TOX2: variants seen among roughly 807,000 people sequenced by gnomAD.
The protein encoded by TOX2 is granulosa cell HMG box 1.
TOX2 carries 15 observed loss-of-function variants against 47.4 expected under a neutral mutation model. The ratio of observed to expected loss-of-function variants is 0.32; its 90% CI spans 0.21 to 0.49. TOX2 has a LOEUF of 0.49. TOX2 is among the 20% of genes least tolerant of loss of function. The probability of loss-of-function intolerance (pLI) is 0.99; values close to 1 mark genes in which losing one functional copy is unlikely to be tolerated. For synonymous variants in TOX2, 290 were observed against 296.6 expected (o/e 0.98, Z 0.23); for missense variants, 622 against 673.1 (o/e 0.92, Z 0.84).
At chr20:43,947,885 G>A (rs535984330) in intron 1 of TOX2, among the ~76,000 whole-genome samples, 7 of 152,290 alleles carry the variant, frequency 4.6e-5, no homozygotes, top group African/African-American at 1.7e-4. Flanking sequence ...AAGGAAAGGA[G>A]TCTTGGAAGG....
intron 1 of TOX2, among the ~76,000 whole-genome samples, chr20:43,917,265 G>C (rs939936475): frequency 6.7e-6 from 1 of 149,208 alleles, no homozygotes; most frequent in Non-Finnish European, 1.5e-5. Context: ...GTGGTGGTTG[G>C]GGGGTAGGGC....
At chr20:44,035,430 G>A (rs567680095) in intron 3 of TOX2, among the ~76,000 whole-genome samples, 1 of 152,092 alleles carries the variant, frequency 6.6e-6, no homozygotes, top group Admixed American at 6.5e-5. Context: ...GCAGCTGCAA[G>A]AGTCAGGCCA....
chr20:44,059,038 A>C (rs2145780021), intron 5 of TOX2, among the ~76,000 whole-genome samples: 1 of 152,366 alleles, frequency 6.6e-6, no homozygotes, highest in South Asian at 2.1e-4. Flanking sequence ...AAATCTCTGA[A>C]TTGCCAGAAA....
chr20:43,945,842 G>A, intron 1 of TOX2: 1 of 1,592,774 alleles, frequency 6.3e-7, no homozygotes, highest in Non-Finnish European at 8.5e-7. Context: ...AGCCAATAGA[G>A]GACCAAGAGT....
At chr20:44,002,091 A>G (rs868539046) in intron 2 of TOX2, among the ~76,000 whole-genome samples, 1 of 151,994 alleles carries the variant, frequency 6.6e-6, no homozygotes, top group Admixed American at 6.6e-5. Context: ...GCAATAAGCC[A>G]CAGATATCAT....
intron 1 of TOX2, among the ~76,000 whole-genome samples, chr20:43,960,046 T>C (rs2069732686): frequency 6.6e-6 from 1 of 152,208 alleles, no homozygotes; most frequent in Non-Finnish European, 1.5e-5. Flanking sequence ...TCCCTCGACC[T>C]CAGTCTCCTT....
At chr20:44,014,128 CA>C (rs55721806) in intron 3 of TOX2, among the ~76,000 whole-genome samples, 947 of 53,530 alleles carry the variant, frequency 0.018, 1 homozygote, top group East Asian at 0.047. Context: ...GAGACTATCT[CA>C]AAAAAAAAAA....
intron 1 of TOX2, among the ~76,000 whole-genome samples, chr20:43,969,091 T>G (rs2069913977): frequency 6.6e-6 from 1 of 152,220 alleles, no homozygotes; most frequent in South Asian, 2.1e-4. Flanking sequence ...CACCCTGCTT[T>G]CCTTGTGTGC....
intron 3 of TOX2, among the ~76,000 whole-genome samples, chr20:44,046,087 A>G (rs990653565): frequency 1.3e-5 from 2 of 152,270 alleles, no homozygotes; most frequent in Admixed American, 6.5e-5. Context: ...GTCACAATAT[A>G]TTAAGAACTG....
intron 3 of TOX2, among the ~76,000 whole-genome samples, chr20:44,010,182 C>T (rs571770015): frequency 1.9e-4 from 29 of 152,314 alleles, no homozygotes; most frequent in African/African-American, 5.3e-4. Flanking sequence ...AGACTGCAGA[C>T]GCCCTCAGGT....
intron 3 of TOX2, among the ~76,000 whole-genome samples, chr20:44,011,147 T>G (rs1276347578): frequency 6.6e-6 from 1 of 152,186 alleles, no homozygotes; most frequent in East Asian, 1.9e-4. Flanking sequence ...TAGGAAAATC[T>G]CCCATCTCAA....
chr20:44,068,787 A>T lies in TOX2; in HGVS notation c.*101A>T. The T allele has an allele frequency of 6.6e-7, 1 of 1,505,612 alleles. No individual in the cohort carries two copies. Among genetic ancestry groups the T allele is most frequent in the Non-Finnish European group, 9.1e-7 (1 of 1,096,568 alleles). The allele number at this position is 1,505,612 out of a possible 1,614,324, so 93.3% of individuals were successfully genotyped here. On this transcript the variant is annotated 3_prime_UTR_variant, in exon 9 of 9. Coordinates refer to ENST00000341197, the MANE Select transcript of TOX2 (RefSeq NM_001098797.2). ...GCCCTGGCCAGAGGCAGGGTGGCCCATCGGAGAGAGCAGTGACACACCCAT... is the reference window on the plus strand; with the variant it reads ...GCCCTGGCCAGAGGCAGGGTGGCCCTTCGGAGAGAGCAGTGACACACCCAT...
At position 43,915,392 on chromosome 20, in the gene TOX2, G is replaced by A. The variant is rs993502543; in HGVS notation, c.99+402G>A. ...ACCCGCAAACAGCCTCACCGCCACAGACGAGTCACCCACAGACGCTCCGAT... is the reference window on the plus strand; with the variant it reads ...ACCCGCAAACAGCCTCACCGCCACAAACGAGTCACCCACAGACGCTCCGAT... On this transcript the variant is annotated intron_variant, in intron 1 of 8. Coordinates refer to ENST00000341197, the MANE Select transcript of TOX2 (RefSeq NM_001098797.2). The surrounding 1 kb of genome is among the most constrained non-coding windows in gnomAD (Gnocchi z 7.1). 6.6e-6 allele frequency among the ~76,000 whole-genome samples: 1 copy of A among 152,122 alleles called. No homozygotes were observed. The highest frequency in any genetic ancestry group is 2.4e-5 in the African/African-American group (1 of 41,436).
At chr20:43,944,160 C>T (rs941776594) in intron 1 of TOX2, among the ~76,000 whole-genome samples, 5 of 152,180 alleles carry the variant, frequency 3.3e-5, no homozygotes, top group Admixed American at 2.0e-4. Context: ...GGGTTGTGTG[C>T]ACTTTCTATC....
chr20:44,016,784 C>T (rs1014507852), intron 3 of TOX2, among the ~76,000 whole-genome samples: 2 of 152,194 alleles, frequency 1.3e-5, no homozygotes, highest in African/African-American at 2.4e-5. Flanking sequence ...AAGTTATCTT[C>T]TCACAGAGGC....
chr20:43,982,171 C>T (rs2070180239), intron 2 of TOX2, among the ~76,000 whole-genome samples: 1 of 151,896 alleles, frequency 6.6e-6, no homozygotes, highest in Non-Finnish European at 1.5e-5. Flanking sequence ...GATGGGTTGG[C>T]TGGGAGCAGA....
At chr20:44,006,448 G>A in intron 2 of TOX2, 99 bp from the exon 3 acceptor site, 2 of 1,512,772 alleles carry the variant, frequency 1.3e-6, no homozygotes, top group Non-Finnish European at 1.8e-6. Flanking sequence ...TTGCCAAGGG[G>A]TTGCTATCGT....
At chr20:43,983,743 T>TAGGCTC (rs1185330064) in intron 2 of TOX2, among the ~76,000 whole-genome samples, 1 of 152,176 alleles carries the variant, frequency 6.6e-6, no homozygotes, top group Non-Finnish European at 1.5e-5. Flanking sequence ...TGCACCTCCT[T>TAGGCTC]AGGCTCAGGC....
At chr20:44,035,659 G>C (rs374827377) in intron 3 of TOX2, among the ~76,000 whole-genome samples, 1 of 152,236 alleles carries the variant, frequency 6.6e-6, no homozygotes, top group Non-Finnish European at 1.5e-5. Flanking sequence ...TGGCTGATGC[G>C]TGGGGAGAGG....
Sources: allele counts gnomAD v4.1 joint callset (sites outside exome capture counted in the v4.1 genomes callset), GRCh38; gene constraint gnomAD v4.1.1; non-coding constraint Gnocchi (gnomAD v3.1); transcripts MANE v1.5; gene names NCBI Gene and HGNC (gene_info 2026-07-23, HGNC 2026-07-21).